Variants in SOX5 observed in about 807,000 individuals in gnomAD.
The protein encoded by SOX5 is transcription factor SOX-5.
In SOX5, 9 loss-of-function variants were observed where a neutral mutation model predicts 92.0. The observed-to-expected ratio is 0.10, with a 90% CI of 0.06 to 0.17. SOX5 has a LOEUF of 0.17. Ranked by LOEUF, SOX5 falls within the 10% of genes least tolerant of loss-of-function variation. The pLI is 1.00. For synonymous variants in SOX5, 344 were observed against 336.3 expected, an observed-to-expected ratio of 1.02 and a Z score of -0.25; for missense variants, 642 against 944.5, an observed-to-expected ratio of 0.68 and a Z score of 4.20.
intron 2 of SOX5, among the ~76,000 whole-genome samples, chr12:24,348,364 CTATTTATT>C (rs55635240): frequency 3.2e-4 from 45 of 142,772 alleles, no homozygotes; most frequent in East Asian, 1.0e-3. Context: ...CTATTGACTC[CTATTTATT>C]TATTTATTTA....
intron 1 of SOX5, among the ~76,000 whole-genome samples, chr12:24,504,511 C>G (rs1346452210): frequency 1.3e-5 from 2 of 152,084 alleles, no homozygotes; most frequent in Non-Finnish European, 1.5e-5. Context: ...TAATACTATT[C>G]CAGAGAAACA....
intron 4 of SOX5, among the ~76,000 whole-genome samples, chr12:24,177,778 T>G (rs1008988201): frequency 6.6e-6 from 1 of 150,882 alleles, no homozygotes; most frequent in East Asian, 1.9e-4. Flanking sequence ...GTCAAACCAC[T>G]TGGGATAATA....
At chr12:24,462,227 C>T (rs1056812219) in intron 1 of SOX5, among the ~76,000 whole-genome samples, 1 of 152,188 alleles carries the variant, frequency 6.6e-6, no homozygotes, top group Non-Finnish European at 1.5e-5. Flanking sequence ...TGTTACTGTA[C>T]TGAATACTGT....
At chr12:24,410,468 G>A (rs968383909) in intron 1 of SOX5, among the ~76,000 whole-genome samples, 4 of 152,160 alleles carry the variant, frequency 2.6e-5, no homozygotes, top group African/African-American at 9.7e-5. Context: ...TCTATTTTGA[G>A]TTACTTTTTG....
At chr12:23,717,958 C>T (rs1348119884) in intron 6 of SOX5, among the ~76,000 whole-genome samples, 2 of 152,038 alleles carry the variant, frequency 1.3e-5, no homozygotes, top group African/African-American at 2.4e-5. Flanking sequence ...TAGAGAAAAA[C>T]TATAATGTTT....
At chr12:23,906,046 G>C (rs2097290486) in intron 1 of SOX5, among the ~76,000 whole-genome samples, 1 of 152,138 alleles carries the variant, frequency 6.6e-6, no homozygotes, top group Non-Finnish European at 1.5e-5. Flanking sequence ...AAGTATCGAA[G>C]AGAAATTTCT....
intron 3 of SOX5, among the ~76,000 whole-genome samples, chr12:23,773,024 A>G (rs1195162366): frequency 6.6e-6 from 1 of 152,184 alleles, no homozygotes; most frequent in Non-Finnish European, 1.5e-5. Context: ...GTTATTTGCA[A>G]TGCCAAAGTG....
intron 9 of SOX5, among the ~76,000 whole-genome samples, chr12:23,589,028 A>C (rs79099950): frequency 0.023 from 3,531 of 151,964 alleles, 125 homozygotes; most frequent in African/African-American, 0.08. Flanking sequence ...GTATAAGTAC[A>C]TGCTATGATG....
chr12:23,878,743 C>T (rs542503696), intron 2 of SOX5, among the ~76,000 whole-genome samples: 320 of 152,090 alleles, frequency 2.1e-3, no homozygotes, highest in Admixed American at 3.7e-3. Context: ...TTTATTCTCT[C>T]TTTTCCTTAA....
upstream of SOX5, chr12:23,951,059 TA>T (rs1248763219): frequency 1.7e-5 from 9 of 535,782 alleles, no homozygotes; most frequent in Admixed American, 2.2e-4. Context: ...CACAAAAGGC[TA>T]CATTACAGAG....
intron 4 of SOX5, among the ~76,000 whole-genome samples, chr12:24,211,875 G>A (rs1958654885): frequency 6.6e-6 from 1 of 152,188 alleles, no homozygotes; most frequent in African/African-American, 2.4e-5. Context: ...AACAACAAGT[G>A]TATTCAATTT....
intron 4 of SOX5, among the ~76,000 whole-genome samples, chr12:24,043,406 G>C (rs1956705022): frequency 1.3e-5 from 2 of 152,226 alleles, no homozygotes; most frequent in South Asian, 4.2e-4. Flanking sequence ...ATTTTGCAAA[G>C]GTGTGATATA....
intron 2 of SOX5, among the ~76,000 whole-genome samples, chr12:24,350,431 A>G (rs375749709): frequency 2.0e-5 from 3 of 152,048 alleles, no homozygotes; most frequent in African/African-American, 7.2e-5. Context: ...TGCAACCTCA[A>G]CCTCCCAGGC....
chr12:24,259,726 C>T (rs963286481), intron 3 of SOX5, among the ~76,000 whole-genome samples: 1 of 152,078 alleles, frequency 6.6e-6, no homozygotes. Flanking sequence ...TAACGAATAT[C>T]CATTACTAAA....
intron 6 of SOX5, among the ~76,000 whole-genome samples, chr12:23,729,288 G>T (rs896731814): frequency 6.6e-6 from 1 of 151,986 alleles, no homozygotes; most frequent in Non-Finnish European, 1.5e-5. Context: ...AAGATCACAC[G>T]GCAGATATCA....
intron 4 of SOX5, among the ~76,000 whole-genome samples, chr12:24,109,187 A>G (rs1046591640): frequency 6.6e-6 from 1 of 152,120 alleles, no homozygotes; most frequent in East Asian, 1.9e-4. Flanking sequence ...AGAGTAATCA[A>G]TTTTCATGTC....
At chr12:24,394,255 G>T (rs2136531492) in intron 1 of SOX5, among the ~76,000 whole-genome samples, 1 of 152,212 alleles carries the variant, frequency 6.6e-6, no homozygotes, top group African/African-American at 2.4e-5. Flanking sequence ...GAAGGAAAAA[G>T]AAATTCATCA....
At chr12:24,415,422 G>GT (rs564726315) in intron 1 of SOX5, among the ~76,000 whole-genome samples, 24 of 151,988 alleles carry the variant, frequency 1.6e-4, no homozygotes, top group African/African-American at 4.1e-4. Flanking sequence ...ATATTTTAAT[G>GT]TTTTTTTTAT....
chr12:23,860,292 CTAAAA>C (rs2096740443), intron 2 of SOX5, among the ~76,000 whole-genome samples: 1 of 95,024 alleles, frequency 1.1e-5, no homozygotes, highest in African/African-American at 4.0e-5. Flanking sequence ...ACCCCCAAAC[CTAAAA>C]TAAATTTAAA....
Sources: gnomAD v4.1 joint callset for allele counts (sites outside exome capture counted in the v4.1 genomes callset) on GRCh38, gnomAD v4.1.1 for gene constraint, MANE v1.5 for transcripts, NCBI Gene and HGNC (gene_info 2026-07-23, HGNC 2026-07-21) for gene names.